The following AHRR variants were observed in gnomAD, a reference collection of about 807,000 sequenced individuals.
AHRR encodes aryl hydrocarbon receptor repressor.
In AHRR, 28 loss-of-function variants were observed where a neutral mutation model predicts 44.0. The observed-to-expected ratio is 0.64, with a 90% CI of 0.47 to 0.87. AHRR has a LOEUF of 0.87. Ranked by LOEUF, AHRR falls within the 40% of genes least tolerant of loss-of-function variation. The pLI is 0.00. For missense variants in AHRR, 990 were observed against 953.9 expected (o/e 1.04, Z -0.50); for synonymous variants, 434 against 407.0 (o/e 1.07, Z -0.80).
intron 2 of AHRR, among the ~76,000 whole-genome samples, chr5:349,917 A>G (rs1056454363): frequency 2.6e-5 from 4 of 152,206 alleles, no homozygotes; most frequent in African/African-American, 9.7e-5. Context: ...AAATTGTCCA[A>G]TGAAGACCCA....
At chr5:415,642 G>GTCTGC (rs1317450324) in intron 5 of AHRR, among the ~76,000 whole-genome samples, 5 of 146,788 alleles carry the variant, frequency 3.4e-5, no homozygotes, top group Admixed American at 1.4e-4. Flanking sequence ...AATCTGCCTG[G>GTCTGC]TGGGGCGGGA....
intron 4 of AHRR, among the ~76,000 whole-genome samples, chr5:378,690 C>T (rs1274659903): frequency 6.6e-6 from 1 of 152,102 alleles, no homozygotes; most frequent in African/African-American, 2.4e-5. Flanking sequence ...GAGGAGGGCT[C>T]CAAAGACATG....
intron 4 of AHRR, among the ~76,000 whole-genome samples, chr5:392,890 T>C (rs2671903): frequency 0.33 from 50,289 of 151,818 alleles, 12,421 homozygotes; most frequent in African/African-American, 0.7. Flanking sequence ...CTTCATTTTC[T>C]GCGTTTCCTT....
rs1469289107 is a variant in AHRR, at chr5:432,877, C to G, written c.1042C>G (p.Pro348Ala). The G allele has an allele frequency of 6.2e-7, 1 of 1,613,730 alleles. No individual in the cohort carries two copies. The highest frequency in any genetic ancestry group is 8.5e-7 in the Non-Finnish European group (1 of 1,180,012). Residue 348 changes from proline to alanine, a missense_variant, in exon 10 of 11, where the codon CCC (proline) becomes GCC (alanine). Coordinates refer to ENST00000684583, the MANE Select transcript of AHRR (RefSeq NM_001377236.1). The part of the protein sequence containing the change: ...QTDAGRWAQV[P>A]ARAPCLCLRG... Reference sequence around the variant, plus strand: ...TGACGCTGGCCGATGGGCACAGGTTCCCGCCAGGGCCCCATGCCTGTGCCT... The same window carrying G: ...TGACGCTGGCCGATGGGCACAGGTTGCCGCCAGGGCCCCATGCCTGTGCCT...
rs972898491 is a variant in AHRR, at chr5:338,466, A to T, written c.-10-5427A>T. The stretch of plus-strand genomic sequence containing the variant: ...CTTTCAGCTTTAAAGATGTTGCTCC[A>T]CTACCTTCTTGTTTCTGATGAGGAA... On this transcript the variant is annotated intron_variant, in intron 1 of 10. Coordinates refer to ENST00000684583, the MANE Select transcript of AHRR (RefSeq NM_001377236.1). The surrounding 1 kb of genome is among the most constrained non-coding windows in gnomAD (Gnocchi z 4.1). Among the ~76,000 whole-genome samples, 2 of 152,138 alleles carry T rather than the reference A, an allele frequency of 1.3e-5. No homozygotes were observed. Among genetic ancestry groups the T allele is most frequent in the Non-Finnish European group, 2.9e-5 (2 of 68,024 alleles).
chr5:394,024 A>G (rs910948917), intron 4 of AHRR, among the ~76,000 whole-genome samples: 1 of 152,278 alleles, frequency 6.6e-6, no homozygotes, highest in South Asian at 2.1e-4. Context: ...GGTTCTGGAC[A>G]TTCTGTGTCT....
intron 4 of AHRR, among the ~76,000 whole-genome samples, chr5:380,129 T>A (rs1018562130): frequency 1.3e-5 from 2 of 152,210 alleles, no homozygotes; most frequent in African/African-American, 4.8e-5. Flanking sequence ...TTGTGAAAAA[T>A]CAATTGGCTG....
chr5:349,820 G>A lies in AHRR; in HGVS notation c.63-3910G>A, dbSNP rs148830822. 4.7e-3 allele frequency among the ~76,000 whole-genome samples: 717 copies of A among 152,224 alleles called. 7 individuals carry two copies. The highest frequency in any genetic ancestry group is 8.5e-3 in the Non-Finnish European group (576 of 68,008). Reference sequence around the variant, plus strand: ...ATGAGGGTAGAGCTGGTGTCCGTTTGTTTTCTTGGATATACGGTTGATCCA... The same window carrying A: ...ATGAGGGTAGAGCTGGTGTCCGTTTATTTTCTTGGATATACGGTTGATCCA... On this transcript the variant is annotated intron_variant, in intron 2 of 10. Coordinates refer to ENST00000684583, the MANE Select transcript of AHRR (RefSeq NM_001377236.1).
At chr5:375,404 G>A (rs1007815619) in intron 3 of AHRR, among the ~76,000 whole-genome samples, 5 of 152,158 alleles carry the variant, frequency 3.3e-5, no homozygotes, top group African/African-American at 7.2e-5. Context: ...GGGGAGTGAG[G>A]GTGGTGGGGG....
chr5:421,202 C>A (rs961915868), intron 5 of AHRR: 26 of 664,956 alleles, frequency 3.9e-5, no homozygotes, highest in African/African-American at 7.5e-5. Flanking sequence ...GAGGCCCTTG[C>A]GGACCCAGCG....
chr5:353,160 C>T (rs1395697178), intron 2 of AHRR, among the ~76,000 whole-genome samples: 1 of 152,142 alleles, frequency 6.6e-6, no homozygotes, highest in Non-Finnish European at 1.5e-5. Flanking sequence ...GAGTGGCAGG[C>T]ACCTGGTCTC....
intron 4 of AHRR, among the ~76,000 whole-genome samples, chr5:381,210 A>G (rs903898800): frequency 2.0e-5 from 3 of 152,220 alleles, no homozygotes; most frequent in African/African-American, 7.2e-5. Context: ...TCACATGCCA[A>G]TCTCCTCTGG....
chr5:330,501 G>A (rs1237066758), intron 1 of AHRR, among the ~76,000 whole-genome samples: 1 of 152,084 alleles, frequency 6.6e-6, no homozygotes, highest in East Asian at 1.9e-4. Flanking sequence ...AGCCTCCCGA[G>A]TAGCTAGGCT....
rs146929980 is a variant in AHRR at position 393,559 on chromosome 5, C to T, written c.351+16843C>T. On this transcript the variant is annotated intron_variant, in intron 4 of 10. Transcript: ENST00000684583. ...GGGCCACGTGGCCTTGCTGCTGAGC[C>T]TGGTGGGTCTGCTCTTTCCTGGAGG... Among the ~76,000 whole-genome samples, 1,024 of 152,344 alleles carry T rather than the reference C, an allele frequency of 6.7e-3. 9 individuals are homozygous for T. Among genetic ancestry groups the T allele is most frequent in the African/African-American group, 0.02 (817 of 41,576 alleles).
At chr5:374,206 G>A (rs1451399632) in intron 3 of AHRR, among the ~76,000 whole-genome samples, 1 of 152,114 alleles carries the variant, frequency 6.6e-6, no homozygotes, top group African/African-American at 2.4e-5. Context: ...AGCGCCCAGG[G>A]CCAGCACGGG....
intron 3 of AHRR, among the ~76,000 whole-genome samples, chr5:376,063 T>TGGGGGCGTGGGGCCTGCCTACTTTTC (rs1733611240): frequency 7.3e-6 from 1 of 136,946 alleles, no homozygotes; most frequent in Admixed American, 7.5e-5. Flanking sequence ...TGCTTCTCAC[T>TGGGGGCGTGGGGCCTGCCTACTTTTC]AGGGAGGGGG....
chr5:414,530 C>T (rs763054516), intron 5 of AHRR, among the ~76,000 whole-genome samples: 14 of 152,132 alleles, frequency 9.2e-5, no homozygotes, highest in African/African-American at 2.4e-4. Context: ...AAAATACCCG[C>T]CCTGCAAATG....
intron 4 of AHRR, among the ~76,000 whole-genome samples, chr5:400,719 G>A (rs774847640): frequency 8.5e-5 from 13 of 152,134 alleles, no homozygotes; most frequent in Non-Finnish European, 1.8e-4. Context: ...ATATGACACG[G>A]CAAACAGCAT....
In AHRR at chr5:411,752, G is replaced by A. The variant is rs2721027; in HGVS notation, c.352-1592G>A. 0.13 allele frequency among the ~76,000 whole-genome samples: 20,017 copies of A among 152,192 alleles called. 4,172 individuals carry two copies. Among genetic ancestry groups the A allele is most frequent in the African/African-American group, 0.44 (18,435 of 41,460 alleles). On this transcript the variant is annotated intron_variant, in intron 4 of 10. Coordinates refer to ENST00000684583, the MANE Select transcript of AHRR (RefSeq NM_001377236.1). The surrounding 1 kb of genome is among the most constrained non-coding windows in gnomAD (Gnocchi z 4.2). ...CAGATTTAAGGGAAATTAGTATATA[G>A]TATACTGCTGACAGCCACAAACATC... is the stretch of plus-strand genomic sequence containing the variant.
Sources: gnomAD v4.1 joint callset for allele counts (sites outside exome capture counted in the v4.1 genomes callset) on GRCh38, gnomAD v4.1.1 for gene constraint, Gnocchi (gnomAD v3.1) non-coding constraint, MANE v1.5 for transcripts, NCBI Gene and HGNC (gene_info 2026-07-23, HGNC 2026-07-21) for gene names.